Variants in CAPN14 observed in about 807,000 individuals in gnomAD.
CAPN14 encodes calpain-14.
A neutral mutation model predicts 101.3 loss-of-function variants in CAPN14; 94 were observed. The ratio of observed to expected loss-of-function variants is 0.93; its 90% confidence interval spans 0.79 to 1.10. The LOEUF is 1.10. CAPN14 is among the 50% of genes least tolerant of loss of function. The pLI, the probability that CAPN14 is intolerant of heterozygous loss-of-function variation, is 0.00. For missense variants in CAPN14, 837 were observed against 828.4 expected (o/e 1.01, Z -0.13); for synonymous variants, 338 against 317.9 (o/e 1.06, Z -0.67).
intron 1 of CAPN14, among the ~76,000 whole-genome samples, chr2:31,211,681 A>G (rs907497623): frequency 3.3e-5 from 5 of 151,864 alleles, no homozygotes; most frequent in African/African-American, 1.2e-4. Flanking sequence ...GCACACACAC[A>G]CACACACACA....
chr2:31,218,789 T>C (rs1364503431), upstream of CAPN14, among the ~76,000 whole-genome samples: 1 of 152,182 alleles, frequency 6.6e-6, no homozygotes, highest in Non-Finnish European at 1.5e-5. Flanking sequence ...CTTCTCCTCA[T>C]CTTTGTCAAG....
In CAPN14 at chr2:31,206,041, T is replaced by TA. The variant is rs1558630201; in HGVS notation, c.-52-543_-52-542insT. Among the ~76,000 whole-genome samples the TA allele has an allele frequency of 1.1e-3, 160 of 147,794 alleles. 6 individuals are homozygous for TA. The highest frequency in any genetic ancestry group is 3.5e-3 in the African/African-American group (145 of 41,102). On this transcript the variant is annotated intron_variant, in intron 1 of 21. Transcript: ENST00000403897. ...TCTTTATTTTTTTTATTTATTTATT[T>TA]TTTTTTTTTGAGACAGAGTCTCATT...
At chr2:31,201,148 T>C (rs1315610627) in intron 5 of CAPN14, among the ~76,000 whole-genome samples, 1 of 142,070 alleles carries the variant, frequency 7.0e-6, no homozygotes, top group Non-Finnish European at 1.5e-5. Flanking sequence ...GACGTGTGTG[T>C]GTGCATGTGC....
intron 1 of CAPN14, chr2:31,233,750 T>A (rs549496068): frequency 2.8e-5 from 4 of 143,592 alleles, no homozygotes; most frequent in Admixed American, 2.7e-4. Flanking sequence ...GGATCCCCTT[T>A]CTATGCCAAA....
chr2:31,203,030 G>A, intron 3 of CAPN14, 40 bp downstream of exon 3: 1 of 1,514,718 alleles, frequency 6.6e-7, no homozygotes, highest in Non-Finnish European at 9.0e-7. Flanking sequence ...CTGGTCAGCA[G>A]GCAGCCTAGT....
chr2:31,215,884 T>C (rs911026604), intron 1 of CAPN14, among the ~76,000 whole-genome samples: 1 of 146,112 alleles, frequency 6.8e-6, no homozygotes, highest in Non-Finnish European at 1.5e-5. Context: ...TGACAGTAAA[T>C]ACTATAGCTA....
chr2:31,212,575 T>C (rs908766033), intron 1 of CAPN14, among the ~76,000 whole-genome samples: 6 of 152,162 alleles, frequency 3.9e-5, no homozygotes, highest in African/African-American at 1.2e-4. Context: ...GGCTCCATTT[T>C]AAAGTGGGAA....
At chr2:31,210,166 A>G (rs1682316037) in intron 1 of CAPN14, among the ~76,000 whole-genome samples, 1 of 152,214 alleles carries the variant, frequency 6.6e-6, no homozygotes, top group Admixed American at 6.5e-5. Flanking sequence ...AGTCAGGGCC[A>G]GGAGCGGTGG....
At chr2:31,180,237 A>G (rs1680521571) in intron 17 of CAPN14, among the ~76,000 whole-genome samples, 1 of 152,114 alleles carries the variant, frequency 6.6e-6, no homozygotes, top group African/African-American at 2.4e-5. Flanking sequence ...ATCTTGTTCA[A>G]GTTCATACAG....
upstream of CAPN14, among the ~76,000 whole-genome samples, chr2:31,220,038 C>A (rs2148705317): frequency 6.6e-6 from 1 of 152,274 alleles, no homozygotes; most frequent in African/African-American, 2.4e-5. Context: ...TCCTTCAGGG[C>A]ACGGGAAAGC....
At chr2:31,216,130 A>G (rs548037806) in intron 1 of CAPN14, among the ~76,000 whole-genome samples, 11 of 152,376 alleles carry the variant, frequency 7.2e-5, no homozygotes, top group African/African-American at 2.6e-4. Context: ...ATGCTGCAAT[A>G]TGATGAGATT....
chr2:31,201,094 T>C (rs1219605999), intron 5 of CAPN14, among the ~76,000 whole-genome samples: 2 of 150,430 alleles, frequency 1.3e-5, no homozygotes, highest in East Asian at 4.0e-4. Flanking sequence ...CATGTGTGCA[T>C]GTGTGTGTGT....
At chr2:31,209,206 G>C (rs1682266079) in intron 1 of CAPN14, among the ~76,000 whole-genome samples, 1 of 148,608 alleles carries the variant, frequency 6.7e-6, no homozygotes, top group South Asian at 2.1e-4. Context: ...CTAACTCCTG[G>C]CGTCAGGCAG....
intron 17 of CAPN14, among the ~76,000 whole-genome samples, chr2:31,180,280 G>A (rs1046514658): frequency 7.2e-5 from 11 of 152,144 alleles, no homozygotes; most frequent in Non-Finnish European, 1.5e-4. Flanking sequence ...CTCCATGCCC[G>A]TGCACCTAAT....
chr2:31,195,575 G>C (rs1681430613), intron 8 of CAPN14, among the ~76,000 whole-genome samples: 1 of 152,128 alleles, frequency 6.6e-6, no homozygotes, highest in Non-Finnish European at 1.5e-5. Flanking sequence ...GACCTTAAAA[G>C]ATCTGCCTTC....
At chr2:31,218,462 T>C (rs753640249), upstream of CAPN14, among the ~76,000 whole-genome samples, 2 of 152,186 alleles carry the variant, frequency 1.3e-5, no homozygotes, top group Admixed American at 6.5e-5. Flanking sequence ...CTTCTTGGCC[T>C]CTGCCTTGAC....
At chr2:31,226,908 G>A (rs1683038366) in intron 1 of CAPN14, among the ~76,000 whole-genome samples, 1 of 152,160 alleles carries the variant, frequency 6.6e-6, no homozygotes, top group Admixed American at 6.5e-5. Context: ...GGGAAAGTGA[G>A]TAGGATGATA....
At chr2:31,227,341 G>A (rs1041788428) in intron 1 of CAPN14, among the ~76,000 whole-genome samples, 5 of 152,188 alleles carry the variant, frequency 3.3e-5, no homozygotes, top group African/African-American at 1.2e-4. Flanking sequence ...CTGTGGTACC[G>A]ATGGTATGAA....
chr2:31,206,874 G>T (rs571936086), intron 1 of CAPN14, among the ~76,000 whole-genome samples: 137 of 152,242 alleles, frequency 9.0e-4, no homozygotes, highest in African/African-American at 3.0e-3. Flanking sequence ...AAATTTTACT[G>T]GGAACTTATC....
Sources: allele counts gnomAD v4.1 joint callset (sites outside exome capture counted in the v4.1 genomes callset), GRCh38; gene constraint gnomAD v4.1.1; transcripts MANE v1.5; gene names NCBI Gene and HGNC (gene_info 2026-07-23, HGNC 2026-07-21).